The following PAPOLB variants were observed in gnomAD, a reference collection of about 807,000 sequenced individuals.
The protein encoded by PAPOLB is PAP-beta.
A neutral mutation model predicts 23.2 loss-of-function variants in PAPOLB; 19 were observed. The observed-to-expected ratio is 0.82, with a 90% CI of 0.57 to 1.20. The LOEUF is 1.20. PAPOLB is among the 50% of genes most tolerant of loss of function. PAPOLB has a pLI of 0.00. For synonymous variants in PAPOLB, 360 were observed against 290.7 expected (o/e 1.24, Z -2.43); for missense variants, 822 against 776.8 (o/e 1.06, Z -0.69).
Position 4,858,552 on chromosome 7 carries a change from G to A in PAPOLB, c.*1345C>T, listed in dbSNP as rs1296916320. The A allele has an allele frequency of 2.0e-5, 3 of 152,412 alleles. No homozygotes were observed. Among genetic ancestry groups the A allele is most frequent in the East Asian group, 1.9e-4 (1 of 5,192 alleles). 9.4% of individuals were successfully genotyped at this position (152,412 alleles called of 1,614,324 possible). A position where few individuals can be genotyped will look rare whatever the true frequency, so the allele number is the denominator to read the frequency against. On this transcript the variant is annotated 3_prime_UTR_variant, in exon 1 of 1. Coordinates refer to ENST00000404991, the MANE Select transcript of PAPOLB (RefSeq NM_020144.5). The stretch of plus-strand genomic sequence containing the variant: ...ATTTAGAGATGAATTTTGATAAATC[G>A]TTTAAAAATAAAAGTGTTTAAAATT...
In PAPOLB at chr7:4,861,325, A is replaced by G. The variant is rs542157053; in HGVS notation, c.486T>C (p.Phe162=). 1 of 1,614,066 alleles carries G rather than the reference A, an allele frequency of 6.2e-7. No individual in the cohort carries two copies. The highest frequency in any genetic ancestry group is 1.3e-5 in the African/African-American group (1 of 75,078). ...ATAAAATATCAATCTCTATCCCATC[A>G]AAACACAGTTTGATAACTGGCACAA... is the stretch of plus-strand genomic sequence containing the variant. The part of the protein sequence containing the change: ...EAFVPVIKLC[F]DGIEIDILFA... The change falls in exon 1 of 1, where the codon TTT becomes TTC. Residue 162 remains phenylalanine, a synonymous_variant. Coordinates refer to ENST00000404991, the MANE Select transcript of PAPOLB (RefSeq NM_020144.5).
rs975869610 is a variant in PAPOLB, at chr7:4,859,037, G to A, written c.*860C>T. 2 of 152,148 alleles carry A rather than the reference G, an allele frequency of 1.3e-5. No individual in the cohort carries two copies. Among genetic ancestry groups the A allele is most frequent in the African/African-American group, 4.8e-5 (2 of 41,440 alleles). The allele number at this position is 152,148 out of a possible 1,614,324, so 9.4% of individuals were successfully genotyped here. The stretch of plus-strand genomic sequence containing the variant: ...AACCAGTGTGTCCTTTCTCCATAGT[G>A]TGCCATCAAAACCAAAGACCTACTA... On this transcript the variant is annotated 3_prime_UTR_variant, in exon 1 of 1. Transcript: ENST00000404991.
chr7:4,859,356 A>T lies in PAPOLB; in HGVS notation c.*541T>A, dbSNP rs963316110. 6.5e-6 allele frequency: 1 copy of T among 153,252 alleles called. No homozygotes were observed. Among genetic ancestry groups the T allele is most frequent in the African/African-American group, 2.4e-5 (1 of 41,470 alleles). 9.5% of individuals were successfully genotyped at this position (153,252 alleles called of 1,614,324 possible). ...GTATTGCATATTTTCCCAACAATGC[A>T]TCAAGCATAAATCCAGTCCAGATGT... is the stretch of plus-strand genomic sequence containing the variant. On this transcript the variant is annotated 3_prime_UTR_variant, in exon 1 of 1. Coordinates refer to ENST00000404991, the MANE Select transcript of PAPOLB (RefSeq NM_020144.5).
chr7:4,861,494 A>C lies in PAPOLB; in HGVS notation c.317T>G (p.Leu106Ter), dbSNP rs1783994503. The stretch of plus-strand genomic sequence containing the variant: ...ATCTGCGCCTTTCGTATGTACTCCT[A>C]ATCTGTAAGAGCCAAACGTAAAAAT... ...GKIFTFGSYR[L>*]GVHTKGADID... The change falls in exon 1 of 1, where the codon TTA becomes TGA. Residue 106 changes from leucine (L) to a stop codon, truncating the protein, a stop_gained. Coordinates refer to ENST00000404991, the MANE Select transcript of PAPOLB (RefSeq NM_020144.5). LOFTEE classifies it high-confidence loss of function. 6.2e-7 allele frequency: 1 copy of C among 1,614,090 alleles called. No homozygotes were observed. The highest frequency in any genetic ancestry group is 8.5e-7 in the Non-Finnish European group (1 of 1,179,926).
rs1369620926 is a variant in PAPOLB at position 4,860,770 on chromosome 7, A to G, written c.1041T>C (p.Ala347=). Reference sequence around the variant, plus strand: ...TACTTAGCAAAATCTCGTGTGTGATAGCAAGCCCCTGTTTAAACTCCTCAA... The same window carrying G: ...TACTTAGCAAAATCTCGTGTGTGATGGCAAGCCCCTGTTTAAACTCCTCAA... ...VMIEEFKQGL[A]ITHEILLSKA... The change falls in exon 1 of 1, where the codon GCT becomes GCC. Residue 347 remains alanine (A), a synonymous_variant. Transcript: ENST00000404991. The G allele has an allele frequency of 4.3e-6, 7 of 1,614,208 alleles. No individual in the cohort carries two copies. Among genetic ancestry groups the G allele is most frequent in the Non-Finnish European group, 5.9e-6 (7 of 1,180,046 alleles).
rs1364000785 is a variant in PAPOLB at position 4,858,834 on chromosome 7, C to T, written c.*1063G>A. The stretch of plus-strand genomic sequence containing the variant: ...CATCATGGTTTAGAGAATATTATTC[C>T]TTTTTTCTTGTGAAATGACACATAA... On this transcript the variant is annotated 3_prime_UTR_variant, in exon 1 of 1. Coordinates refer to ENST00000404991, the MANE Select transcript of PAPOLB (RefSeq NM_020144.5). 1.3e-5 allele frequency: 2 copies of T among 152,112 alleles called. No homozygotes were observed. The highest frequency in any genetic ancestry group is 4.8e-5 in the African/African-American group (2 of 41,408). 9.4% of individuals were successfully genotyped at this position (152,112 alleles called of 1,614,324 possible). A position where few individuals can be genotyped will look rare whatever the true frequency, so the allele number is the denominator to read the frequency against.
chr7:4,861,871 C>CA lies in PAPOLB; in HGVS notation c.-62_-61insT. On this transcript the variant is annotated 5_prime_UTR_variant, in exon 1 of 1. An upstream open reading frame in the 5' UTR loses its in-frame stop. Coordinates refer to ENST00000404991, the MANE Select transcript of PAPOLB (RefSeq NM_020144.5). ...CCACCGCGACCTTCGCGGCCGCCGC[C>CA]CGGGTCATGATCCGCTGAGGCGGAA... 1.0e-4 allele frequency: 122 copies of CA among 1,214,618 alleles called. No homozygotes were observed. Among genetic ancestry groups the CA allele is most frequent in the Non-Finnish European group, 1.2e-4 (111 of 912,974 alleles). The allele number at this position is 1,214,618 out of a possible 1,614,324, so 75.2% of individuals were successfully genotyped here.
In PAPOLB at chr7:4,859,838, C is replaced by G; in HGVS notation, c.*59G>C. ...TCTTTGTATTGAGTTTCTCCTCTTC[C>G]GTTTTGGTTTTCTTGGTCCTTTCTT... On this transcript the variant is annotated 3_prime_UTR_variant, in exon 1 of 1. Coordinates refer to ENST00000404991, the MANE Select transcript of PAPOLB (RefSeq NM_020144.5). The G allele has an allele frequency of 9.4e-7, 1 of 1,067,568 alleles. No individual in the cohort carries two copies. The highest frequency in any genetic ancestry group is 1.5e-5 in the South Asian group (1 of 65,866). The allele number at this position is 1,067,568 out of a possible 1,614,324, so 66.1% of individuals were successfully genotyped here.
rs151294011 is a variant in PAPOLB at position 4,859,697 on chromosome 7, A to T, written c.*200T>A. On this transcript the variant is annotated 3_prime_UTR_variant, in exon 1 of 1. Transcript: ENST00000404991. Reference sequence around the variant, plus strand: ...TTCAACCTGTTTTACTGAATTCTTGATAACAGGAATTGGATTTGCAGGGAG... The same window carrying T: ...TTCAACCTGTTTTACTGAATTCTTGTTAACAGGAATTGGATTTGCAGGGAG... The T allele has an allele frequency of 1.7e-6, 1 of 580,814 alleles. No homozygotes were observed. Among genetic ancestry groups the T allele is most frequent in the East Asian group, 2.9e-5 (1 of 34,998 alleles). 36.0% of individuals were successfully genotyped at this position (580,814 alleles called of 1,614,324 possible). A position where few individuals can be genotyped will look rare whatever the true frequency, so the allele number is the denominator to read the frequency against.
rs1783906742 is a variant in PAPOLB, at chr7:4,859,080, C to T, written c.*817G>A. On this transcript the variant is annotated 3_prime_UTR_variant, in exon 1 of 1. Transcript: ENST00000404991. ...ACCTACTAATGGTTGATGTCAAAAA[C>T]ATACCTTAAAGTTGACATTTCATTT... 1.3e-5 allele frequency: 2 copies of T among 152,152 alleles called. No homozygotes were observed. The highest frequency in any genetic ancestry group is 4.1e-4 in the South Asian group (2 of 4,828). 9.4% of individuals were successfully genotyped at this position (152,152 alleles called of 1,614,324 possible).
In PAPOLB at chr7:4,861,851, G is replaced by GCGACCTTCACGTCCCCCACCACCA. The variant is rs1554264959; in HGVS notation, c.-42_-41insTGGTGGTGGGGGACGTGAAGGTCG. ...CCGCCAGGGCACGTCCCCCACCACCGCGACCTTCGCGGCCGCCGCCCGGGT... is the reference window on the plus strand; with the variant it reads ...CCGCCAGGGCACGTCCCCCACCACCGCGACCTTCACGTCCCCCACCACCACGACCTTCGCGGCCGCCGCCCGGGT... On this transcript the variant is annotated 5_prime_UTR_variant, in exon 1 of 1. Transcript: ENST00000404991. 3.0e-6 allele frequency: 4 copies of GCGACCTTCACGTCCCCCACCACCA among 1,352,472 alleles called. No individual in the cohort carries two copies. The highest frequency in any genetic ancestry group is 3.9e-6 in the Non-Finnish European group (4 of 1,033,770). The allele number at this position is 1,352,472 out of a possible 1,614,324, so 83.8% of individuals were successfully genotyped here.
chr7:4,859,770 T>A lies in PAPOLB; in HGVS notation c.*127A>T, dbSNP rs780311978. ...ATACTGATGTTCCCTGAGAGGCCAA[T>A]AGAGAAGATGCTGTCTGAATTTTTC... is the stretch of plus-strand genomic sequence containing the variant. On this transcript the variant is annotated 3_prime_UTR_variant, in exon 1 of 1. Transcript: ENST00000404991. The A allele has an allele frequency of 4.7e-6, 3 of 631,586 alleles. No homozygotes were observed. The highest frequency in any genetic ancestry group is 5.6e-6 in the Non-Finnish European group (2 of 358,470). 39.1% of individuals were successfully genotyped at this position (631,586 alleles called of 1,614,324 possible). A position where few individuals can be genotyped will look rare whatever the true frequency, so the allele number is the denominator to read the frequency against.
rs6953953 is a variant in PAPOLB at position 4,858,571 on chromosome 7, T to C, written c.*1326A>G. 4 of 152,766 alleles carry C rather than the reference T, an allele frequency of 2.6e-5. No homozygotes were observed. The highest frequency in any genetic ancestry group is 4.4e-5 in the Non-Finnish European group (3 of 68,006). 9.5% of individuals were successfully genotyped at this position (152,766 alleles called of 1,614,324 possible). A position where few individuals can be genotyped will look rare whatever the true frequency, so the allele number is the denominator to read the frequency against. ...TAAATCGTTTAAAAATAAAAGTGTT[T>C]AAAATTCTTGAAGAAAATGCCTTTT... is the stretch of plus-strand genomic sequence containing the variant. On this transcript the variant is annotated 3_prime_UTR_variant, in exon 1 of 1. Transcript: ENST00000404991.
rs1783887008 is a variant in PAPOLB, at chr7:4,858,380, T to A, written c.*1517A>T. The A allele has an allele frequency of 6.6e-6, 1 of 152,244 alleles. No homozygotes were observed. Among genetic ancestry groups the A allele is most frequent in the Admixed American group, 6.5e-5 (1 of 15,272 alleles). The allele number at this position is 152,244 out of a possible 1,614,324, so 9.4% of individuals were successfully genotyped here. A position where few individuals can be genotyped will look rare whatever the true frequency, so the allele number is the denominator to read the frequency against. ...TCATTCACATCTGTTGCCCCTCACA[T>A]TTCCTAATCATAGATGCTCTACTGC... On this transcript the variant is annotated 3_prime_UTR_variant, in exon 1 of 1. Transcript: ENST00000404991.
At position 4,858,085 on chromosome 7, in the gene PAPOLB, T is replaced by A. The variant is rs77021497; in HGVS notation, c.*1812A>T. On this transcript the variant is annotated 3_prime_UTR_variant, in exon 1 of 1. Transcript: ENST00000404991. Reference sequence around the variant, plus strand: ...TATTGTGCACACTTCACCCGATTTATTATTGTGGTGAAACGGCAAAGATGT... The same window carrying A: ...TATTGTGCACACTTCACCCGATTTAATATTGTGGTGAAACGGCAAAGATGT... The A allele has an allele frequency of 1.3e-5, 2 of 152,542 alleles. No individual in the cohort carries two copies. Among genetic ancestry groups the A allele is most frequent in the Non-Finnish European group, 2.9e-5 (2 of 68,032 alleles). 9.4% of individuals were successfully genotyped at this position (152,542 alleles called of 1,614,324 possible).
Position 4,861,751 on chromosome 7 carries a change from G to C in PAPOLB, c.60C>G (p.Arg20=). The change falls in exon 1 of 1, where the codon CGC becomes CGG. Residue 20 remains arginine, a synonymous_variant. Transcript: ENST00000404991. Reference sequence around the variant, plus strand: ...GACTGATAGGCGAGGAGACGCCGTAGCGATTCGGCGGCGGCGCCGGCTGCG... The same window carrying C: ...GACTGATAGGCGAGGAGACGCCGTACCGATTCGGCGGCGGCGCCGGCTGCG... ...GPPQPAPPPN[R]YGVSSPISLA... The C allele has an allele frequency of 6.7e-7, 1 of 1,503,390 alleles. No homozygotes were observed. Among genetic ancestry groups the C allele is most frequent in the Non-Finnish European group, 8.9e-7 (1 of 1,128,562 alleles). 93.1% of individuals were successfully genotyped at this position (1,503,390 alleles called of 1,614,324 possible).
chr7:4,861,285 G>C lies in PAPOLB; in HGVS notation c.526C>G (p.Leu176Val). Residue 176 changes from leucine (L) to valine (V), a missense_variant, in exon 1 of 1, where the codon CTA (leucine) becomes GTA (valine). This residue lies in a region of PAPOLB where 276 missense variants were observed against 243.9 expected (regional missense o/e 1.13). Transcript: ENST00000404991. ...EIDILFARLA[L>V]QTIPEDLDLR... is the part of the protein sequence containing the mutation. Reference sequence around the variant, plus strand: ...TCCAAATCTTCTGGAATAGTCTGTAGTGCTAATCTTGCAAATAAAATATCA... The same window carrying C: ...TCCAAATCTTCTGGAATAGTCTGTACTGCTAATCTTGCAAATAAAATATCA... The C allele has an allele frequency of 6.2e-7, 1 of 1,614,116 alleles. No homozygotes were observed. Among genetic ancestry groups the C allele is most frequent in the East Asian group, 2.2e-5 (1 of 44,878 alleles).
At position 4,860,986 on chromosome 7, in the gene PAPOLB, CAAG is replaced by C. The variant is rs1562454359; in HGVS notation, c.822_824del (p.Phe274del). The C allele has an allele frequency of 1.9e-6, 3 of 1,614,184 alleles. No individual in the cohort carries two copies. The highest frequency in any genetic ancestry group is 1.1e-5 in the South Asian group (1 of 91,084). ...TTGGCCATTCCCATTCTGAAAATAC[CAAG>C]AAGAATTTCCGTACAAGAGTTGACG... is the stretch of plus-strand genomic sequence containing the variant. On this transcript the variant is annotated inframe_deletion, in exon 1 of 1. Coordinates refer to ENST00000404991, the MANE Select transcript of PAPOLB (RefSeq NM_020144.5).
rs1783949276 is a variant in PAPOLB, at chr7:4,860,263, C to T, written c.1548G>A (p.Leu516=). The T allele has an allele frequency of 6.2e-6, 10 of 1,613,934 alleles. No individual in the cohort carries two copies. In the East Asian group the frequency reaches 2.2e-4, roughly 36 times the overall value. ...KKAHSTEGRR[L]TDLNDSSFDL... is the part of the protein sequence containing the mutation. Reference sequence around the variant, plus strand: ...CAAAGCTGCTGTCGTTCAAATCTGTCAATCTTCTACCTTCTGTTGAGTGTG... The same window carrying T: ...CAAAGCTGCTGTCGTTCAAATCTGTTAATCTTCTACCTTCTGTTGAGTGTG... The change falls in exon 1 of 1, where the codon TTG becomes TTA. Residue 516 remains leucine (L), a synonymous_variant. Coordinates refer to ENST00000404991, the MANE Select transcript of PAPOLB (RefSeq NM_020144.5).
Sources: allele counts gnomAD v4.1 joint callset, GRCh38; gene constraint gnomAD v4.1.1; regional missense constraint gnomAD v4.1.1; transcripts MANE v1.5; gene names NCBI Gene and HGNC (gene_info 2026-07-23, HGNC 2026-07-21).